Variants in CEMIP2 observed in about 807,000 individuals in gnomAD.
CEMIP2 encodes cell surface hyaluronidase CEMIP2.
A neutral mutation model predicts 146.9 loss-of-function variants in CEMIP2; 79 were observed. The ratio of observed to expected loss-of-function variants is 0.54; its 90% CI spans 0.45 to 0.65. CEMIP2 has a LOEUF of 0.65. CEMIP2 is among the 30% of genes least tolerant of loss of function. The pLI is 0.00. For synonymous variants in CEMIP2, 601 were observed against 606.3 expected, an observed-to-expected ratio of 0.99 and a Z score of 0.13; for missense variants, 1,596 against 1,696.2, an observed-to-expected ratio of 0.94 and a Z score of 1.04.
chr9:71,702,353 T>C (rs1483065501), intron 18 of CEMIP2, among the ~76,000 whole-genome samples: 1 of 146,364 alleles, frequency 6.8e-6, no homozygotes, highest in Admixed American at 6.9e-5. Flanking sequence ...AGACAAAAGA[T>C]AGAAAAGATG....
chr9:71,753,766 T>C (rs559033247), intron 1 of CEMIP2, among the ~76,000 whole-genome samples: 1 of 152,270 alleles, frequency 6.6e-6, no homozygotes, highest in African/African-American at 2.4e-5. Context: ...GGCACAATAT[T>C]ATGTATTAAT....
At chr9:71,719,842 C>CAAAAGAAAAAAA (rs1823181293) in intron 12 of CEMIP2, among the ~76,000 whole-genome samples, 2 of 93,196 alleles carry the variant, frequency 2.1e-5, no homozygotes, top group African/African-American at 8.0e-5. Flanking sequence ...TAAACGAAAG[C>CAAAAGAAAAAAA]AAAAAAAAAA....
intron 18 of CEMIP2, among the ~76,000 whole-genome samples, chr9:71,701,232 A>C (rs1205226718): frequency 6.6e-6 from 1 of 152,024 alleles, no homozygotes; most frequent in Non-Finnish European, 1.5e-5. Flanking sequence ...CAGCCTCTCG[A>C]GTAGCTGGGA....
At chr9:71,710,755 G>GGA (rs1454028901) in intron 16 of CEMIP2, among the ~76,000 whole-genome samples, 1 of 152,066 alleles carries the variant, frequency 6.6e-6, no homozygotes, top group Admixed American at 6.6e-5. Flanking sequence ...ACTGGACAGG[G>GGA]GATCCAAGAC....
intron 4 of CEMIP2, 33 bp downstream of exon 4, chr9:71,744,985 T>A: frequency 6.3e-7 from 1 of 1,589,458 alleles, no homozygotes; most frequent in South Asian, 1.1e-5. Flanking sequence ...AGACACGGAC[T>A]CTGATAGGGA....
chr9:71,735,032 C>T lies in CEMIP2; in HGVS notation c.1205-38G>A, dbSNP rs769722509. On this transcript the variant is annotated intron_variant, in intron 5 of 23. Coordinates refer to ENST00000377044, the MANE Select transcript of CEMIP2 (RefSeq NM_013390.3). ...AAAAAAAAAGAAAAAGAAAGTGATA[C>T]ATTAACAGTATTTTTTTCTCTCTAA... The T allele has an allele frequency of 5.8e-6, 9 of 1,551,820 alleles. No individual in the cohort carries two copies. In the African/African-American group the frequency reaches 1.3e-4, roughly 22 times the overall value.
intron 17 of CEMIP2, 106 bp from the exon 18 acceptor site, chr9:71,704,909 C>T (rs1822691078): frequency 9.4e-7 from 1 of 1,059,808 alleles, no homozygotes; most frequent in Non-Finnish European, 1.4e-6. Context: ...AAGGGAGATT[C>T]TGTGATCTGT....
chr9:71,730,603 A>G, intron 8 of CEMIP2, 102 bp downstream of exon 8: 1 of 1,232,784 alleles, frequency 8.1e-7, no homozygotes, highest in Non-Finnish European at 1.1e-6. Flanking sequence ...AGAGCAAGGC[A>G]TGTGGCTAAA....
chr9:71,694,099 TTTTA>T (rs77361296), intron 21 of CEMIP2, among the ~76,000 whole-genome samples: 38,948 of 145,274 alleles, frequency 0.27, 5,875 homozygotes, highest in Non-Finnish European at 0.34. Context: ...TGTTGTTTAT[TTTTA>T]TTTATTTATT....
At position 71,716,549 on chromosome 9, in the gene CEMIP2, A is replaced by G. The variant is rs1266550368; in HGVS notation, c.2403T>C (p.Phe801=). The G allele has an allele frequency of 1.3e-6, 2 of 1,594,334 alleles. No homozygotes were observed. The highest frequency in any genetic ancestry group is 1.7e-6 in the Non-Finnish European group (2 of 1,171,080). The change falls in exon 14 of 24, where the codon TTT becomes TTC. Residue 801 remains phenylalanine (F), a synonymous_variant. Coordinates refer to ENST00000377044, the MANE Select transcript of CEMIP2 (RefSeq NM_013390.3). ...GGDIIVQNSA[F]ADNGIGLTFA... The stretch of plus-strand genomic sequence containing the variant: ...AGGTCAGTCCTATTCCATTATCTGC[A>G]AATCTGTAAAAGAAGAGAGAATGAA...
intron 10 of CEMIP2, among the ~76,000 whole-genome samples, chr9:71,729,603 C>T (rs776813862): frequency 6.6e-6 from 1 of 150,654 alleles, no homozygotes; most frequent in Non-Finnish European, 1.5e-5. Context: ...GGGCAACAGA[C>T]CGGGACTCTG....
In CEMIP2 at chr9:71,753,275, G is replaced by T. The variant is rs1824314283; in HGVS notation, c.-12-2890C>A. Among the ~76,000 whole-genome samples the T allele has an allele frequency of 2.6e-5, 4 of 152,166 alleles. No homozygotes were observed. In the South Asian group the frequency reaches 8.3e-4, roughly 32 times the overall value. ...GGGTGAGAGATATTACTAACAGGCT[G>T]GTGGGGGCGGGGGTCTTTGGTGGGA... On this transcript the variant is annotated intron_variant, in intron 1 of 23. Transcript: ENST00000377044.
intron 1 of CEMIP2, among the ~76,000 whole-genome samples, chr9:71,765,838 CCTT>C (rs1824773828): frequency 2.0e-5 from 3 of 152,146 alleles, no homozygotes; most frequent in African/African-American, 7.2e-5. Context: ...CACTTCAACT[CCTT>C]CTCTTTACCA....
chr9:71,707,551 G>C (rs1822783821), intron 17 of CEMIP2, among the ~76,000 whole-genome samples: 1 of 152,176 alleles, frequency 6.6e-6, no homozygotes, highest in Admixed American at 6.5e-5. Context: ...GAAGAACAAA[G>C]AAGAATTCTG....
chr9:71,717,693 C>T (rs148425032), intron 13 of CEMIP2, among the ~76,000 whole-genome samples: 96 of 152,184 alleles, frequency 6.3e-4, no homozygotes, highest in African/African-American at 2.1e-3. Context: ...GTTAAATTCC[C>T]GGTTTCTGTT....
rs1589121468 is a variant in CEMIP2 at position 71,685,933 on chromosome 9, T to C, written c.3852-87A>G. 4.5e-6 allele frequency: 4 copies of C among 897,790 alleles called. No individual in the cohort carries two copies. In the East Asian group the frequency reaches 9.8e-5, roughly 22 times the overall value. The allele number at this position is 897,790 out of a possible 1,614,324, so 55.6% of individuals were successfully genotyped here. A position where few individuals can be genotyped will look rare whatever the true frequency, so the allele number is the denominator to read the frequency against. On this transcript the variant is annotated intron_variant, in intron 22 of 23. Transcript: ENST00000377044. ...CTGAGTATCTTTCTGAACTGACTGC[T>C]GAATAGAAATATTAGATAAAAGCAG...
intron 5 of CEMIP2, among the ~76,000 whole-genome samples, chr9:71,738,097 C>T (rs918573704): frequency 6.6e-6 from 1 of 151,328 alleles, no homozygotes; most frequent in Non-Finnish European, 1.5e-5. Flanking sequence ...CTCCAAGAAT[C>T]AAAACAAGCA....
chr9:71,734,707 G>GTGGT (rs1416824517), intron 6 of CEMIP2, 99 bp downstream of exon 6: 4 of 1,031,446 alleles, frequency 3.9e-6, no homozygotes, highest in Non-Finnish European at 5.6e-6. Context: ...GATGGTGGTG[G>GTGGT]TGGTAGTGAT....
Position 71,709,794 on chromosome 9 carries a change from G to A in CEMIP2, c.2770-320C>T, listed in dbSNP as rs116126931. ...TCCAGACAAAACTCATTTGTGGGGAGAGAAAGCAGAAGAGTTGTGGGAAGG... is the reference window on the plus strand; with the variant it reads ...TCCAGACAAAACTCATTTGTGGGGAAAGAAAGCAGAAGAGTTGTGGGAAGG... On this transcript the variant is annotated intron_variant, in intron 16 of 23. Transcript: ENST00000377044. Among the ~76,000 whole-genome samples, 469 of 152,330 alleles carry A rather than the reference G, an allele frequency of 3.1e-3. 3 individuals are homozygous for A. The highest frequency in any genetic ancestry group is 0.011 in the African/African-American group (455 of 41,578).
Sources: allele counts gnomAD v4.1 joint callset (sites outside exome capture counted in the v4.1 genomes callset), GRCh38; gene constraint gnomAD v4.1.1; transcripts MANE v1.5; gene names NCBI Gene and HGNC (gene_info 2026-07-23, HGNC 2026-07-21).